The following MYT1L variants were observed in gnomAD, a reference collection of about 807,000 sequenced individuals.
MYT1L encodes the protein myelin transcription factor 1 like.
Under a neutral mutation model 126.7 loss-of-function variants are expected in MYT1L, and 12 were observed. That is an observed-to-expected ratio of 0.09 (90% CI 0.06 to 0.15). The LOEUF (loss-of-function observed/expected upper bound fraction) is 0.15, where lower values mean the gene tolerates loss of function less well. Among genes scored for constraint, MYT1L ranks in the 10% least tolerant of loss-of-function variants. The pLI is 1.00. For missense variants in MYT1L, 979 were observed against 1,585.2 expected (o/e 0.62, Z 6.49); for synonymous variants, 541 against 604.2 (o/e 0.90, Z 1.53).
chr2:1,842,962 C>CGCTTCCGCTTCCAG (rs2042003050), intron 19 of MYT1L: 2 of 170,970 alleles, frequency 1.2e-5, no homozygotes, highest in East Asian at 1.8e-4. Flanking sequence ...CGCTTCCAGG[C>CGCTTCCGCTTCCAG]GCGCGGTGCT....
chr2:2,299,766 A>G (rs2095755091), intron 1 of MYT1L, among the ~76,000 whole-genome samples: 1 of 152,232 alleles, frequency 6.6e-6, no homozygotes, highest in Non-Finnish European at 1.5e-5. Context: ...TTACTCACAA[A>G]GGAGAGGAGA....
At chr2:1,797,078 CA>C (rs780841481) in intron 23 of MYT1L, among the ~76,000 whole-genome samples, 29 of 146,230 alleles carry the variant, frequency 2.0e-4, no homozygotes, top group Non-Finnish European at 4.0e-4. Flanking sequence ...AGTCCAGAAC[CA>C]AGGCTTGGGT....
At chr2:2,233,296 G>A (rs1358221522) in intron 2 of MYT1L, among the ~76,000 whole-genome samples, 1 of 152,220 alleles carries the variant, frequency 6.6e-6, no homozygotes, top group Non-Finnish European at 1.5e-5. Context: ...ATCCAAAAAG[G>A]AAGCAGAGCA....
At chr2:2,008,585 C>T (rs1218722307) in intron 4 of MYT1L, among the ~76,000 whole-genome samples, 1 of 152,046 alleles carries the variant, frequency 6.6e-6, no homozygotes, top group Non-Finnish European at 1.5e-5. Context: ...GGATATTAAC[C>T]CCTTATCAGA....
At chr2:2,037,316 C>T (rs2066971502) in intron 4 of MYT1L, among the ~76,000 whole-genome samples, 1 of 152,178 alleles carries the variant, frequency 6.6e-6, no homozygotes, top group Non-Finnish European at 1.5e-5. Flanking sequence ...TCTCTATCAC[C>T]CAGCACAGAG....
At chr2:2,145,620 G>GA (rs1262824378) in intron 3 of MYT1L, among the ~76,000 whole-genome samples, 30 of 147,906 alleles carry the variant, frequency 2.0e-4, no homozygotes, top group African/African-American at 6.8e-4. Context: ...GTATCCACTG[G>GA]AAAAAAAATA....
intron 3 of MYT1L, among the ~76,000 whole-genome samples, chr2:2,158,098 T>C (rs2087025002): frequency 6.6e-6 from 1 of 152,068 alleles, no homozygotes; most frequent in Non-Finnish European, 1.5e-5. Context: ...TGAAGCCTCA[T>C]TTCATCTGCC....
intron 18 of MYT1L, among the ~76,000 whole-genome samples, chr2:1,877,925 C>T (rs1256340087): frequency 6.6e-6 from 1 of 152,198 alleles, no homozygotes; most frequent in Non-Finnish European, 1.5e-5. Flanking sequence ...ATTAATGCAT[C>T]AGCAAGCTTG....
chr2:2,207,046 C>T (rs1319219476), intron 2 of MYT1L, among the ~76,000 whole-genome samples: 1 of 152,128 alleles, frequency 6.6e-6, no homozygotes, highest in Non-Finnish European at 1.5e-5. Flanking sequence ...AATGAATCAA[C>T]AATATGGTTT....
intron 2 of MYT1L, among the ~76,000 whole-genome samples, chr2:2,267,251 G>A (rs2095154441): frequency 1.3e-5 from 2 of 152,124 alleles, no homozygotes; most frequent in Middle Eastern, 6.8e-3. Flanking sequence ...TGGCACGTGG[G>A]GCAGACTTTG....
chr2:2,186,678 CACTT>C (rs1402972912), intron 2 of MYT1L, among the ~76,000 whole-genome samples: 9 of 152,198 alleles, frequency 5.9e-5, no homozygotes, highest in Non-Finnish European at 1.0e-4. Context: ...TGGATGCCTA[CACTT>C]ACTAACTCTT....
At chr2:2,324,501 T>G (rs2096219107) in intron 1 of MYT1L, 1 of 152,668 alleles carries the variant, frequency 6.6e-6, no homozygotes, top group African/African-American at 2.4e-5. Context: ...TTTTGCCACA[T>G]GGACAAAAGT....
At chr2:2,203,557 T>C (rs1034725547) in intron 2 of MYT1L, among the ~76,000 whole-genome samples, 2 of 151,556 alleles carry the variant, frequency 1.3e-5, no homozygotes, top group African/African-American at 4.9e-5. Flanking sequence ...TTAGAAGGGA[T>C]GTGAAGGACC....
At chr2:2,243,792 T>A (rs1231415014) in intron 2 of MYT1L, among the ~76,000 whole-genome samples, 1 of 152,208 alleles carries the variant, frequency 6.6e-6, no homozygotes, top group African/African-American at 2.4e-5. Flanking sequence ...GTGGAGTCAC[T>A]TTTGGCATCT....
intron 14 of MYT1L, among the ~76,000 whole-genome samples, chr2:1,900,955 C>T (rs550809248): frequency 2.0e-5 from 3 of 152,318 alleles, no homozygotes; most frequent in South Asian, 2.1e-4. Context: ...CCACAGAGTG[C>T]GTCCTCACAC....
At chr2:1,931,970 C>T (rs1361368146) in intron 9 of MYT1L, among the ~76,000 whole-genome samples, 1 of 152,140 alleles carries the variant, frequency 6.6e-6, no homozygotes, top group Non-Finnish European at 1.5e-5. Context: ...GTGAGGATGC[C>T]CCACTAAGTC....
At chr2:2,110,726 G>A (rs2079331983) in intron 3 of MYT1L, among the ~76,000 whole-genome samples, 2 of 152,058 alleles carry the variant, frequency 1.3e-5, no homozygotes, top group Non-Finnish European at 2.9e-5. Context: ...AAACTCTCTG[G>A]CACCTTCTGC....
chr2:1,971,407 A>C (rs538031445), intron 8 of MYT1L, among the ~76,000 whole-genome samples: 9 of 152,302 alleles, frequency 5.9e-5, no homozygotes, highest in African/African-American at 2.2e-4. Context: ...TACTGTGACA[A>C]TAAAGGTTGA....
intron 9 of MYT1L, among the ~76,000 whole-genome samples, chr2:1,934,317 T>C (rs967385115): frequency 7.1e-6 from 1 of 141,780 alleles, no homozygotes; most frequent in Non-Finnish European, 1.5e-5. Flanking sequence ...TACAACCTCA[T>C]ATATGTAATT....
Sources: allele counts gnomAD v4.1 joint callset (sites outside exome capture counted in the v4.1 genomes callset), GRCh38; gene constraint gnomAD v4.1.1; transcripts MANE v1.5; gene names NCBI Gene and HGNC (gene_info 2026-07-23, HGNC 2026-07-21).